ZCCHC14: variants seen among roughly 807,000 people sequenced by gnomAD.
ZCCHC14 encodes zinc finger CCHC domain-containing protein 14.
Under a neutral mutation model 85.0 loss-of-function variants are expected in ZCCHC14, and 16 were observed. That is an observed-to-expected ratio of 0.19 (90% CI 0.13 to 0.29). ZCCHC14 has a LOEUF of 0.29. Among genes scored for constraint, ZCCHC14 ranks in the 10% least tolerant of loss-of-function variants. The pLI, the probability that ZCCHC14 is intolerant of heterozygous loss-of-function variation, is 1.00. For missense variants in ZCCHC14, 1,303 were observed against 1,443.5 expected, an observed-to-expected ratio of 0.90 and a Z score of 1.58; for synonymous variants, 775 against 630.7, an observed-to-expected ratio of 1.23 and a Z score of -3.43.
At chr16:87,485,765 T>C (rs183829544) in intron 1 of ZCCHC14, among the ~76,000 whole-genome samples, 9 of 152,280 alleles carry the variant, frequency 5.9e-5, no homozygotes, top group Admixed American at 5.2e-4. Context: ...TCTATTCTAC[T>C]AGCTGGACTC....
chr16:87,411,886 G>A lies in ZCCHC14; in HGVS notation c.2835C>T (p.Asn945=). Reference sequence around the variant, plus strand: ...GACCGGAGAACGGGTGCTGGAAGTAGTTGGCGTAGCTGACAGTCAGGCCAC... The same window carrying A: ...GACCGGAGAACGGGTGCTGGAAGTAATTGGCGTAGCTGACAGTCAGGCCAC... ...GSSGLTVSYA[N]YFQHPFSGPS... is the part of the protein sequence containing the mutation. The change falls in exon 12 of 13, where the codon AAC becomes AAT. Residue 945 remains asparagine (N), a synonymous_variant. Coordinates refer to ENST00000671377, the MANE Select transcript of ZCCHC14 (RefSeq NM_015144.3). 1 of 1,599,260 alleles carries A rather than the reference G, an allele frequency of 6.3e-7. No individual in the cohort carries two copies. The highest frequency in any genetic ancestry group is 8.5e-7 in the Non-Finnish European group (1 of 1,174,124).
At chr16:87,432,096 A>G (rs562138528) in intron 3 of ZCCHC14, among the ~76,000 whole-genome samples, 1 of 152,340 alleles carries the variant, frequency 6.6e-6, no homozygotes, top group Admixed American at 6.5e-5. Context: ...CACTCTTCAA[A>G]AAATTAGTAA....
At chr16:87,410,385 C>A in intron 12 of ZCCHC14, 50 bp from the exon 13 acceptor site, 1 of 749,020 alleles carries the variant, frequency 1.3e-6, no homozygotes, top group South Asian at 1.5e-5. Flanking sequence ...GTAGAATCAC[C>A]ACCAACCACC....
rs191005380 is a variant in ZCCHC14, at chr16:87,417,122, G to A, written c.1383+338C>T. On this transcript the variant is annotated intron_variant, in intron 8 of 12. Transcript: ENST00000671377. ...CCGCCGCAGTGTCTGCGCCAGCTAC[G>A]CCGAGAAATGTCTAAAAGGGGCACC... is the stretch of plus-strand genomic sequence containing the variant. Among the ~76,000 whole-genome samples the A allele has an allele frequency of 4.3e-3, 658 of 152,292 alleles. 19 individuals carry two copies. The highest frequency in any genetic ancestry group is 0.04 in the Admixed American group (615 of 15,298).
At chr16:87,459,536 T>A (rs1428197566) in intron 2 of ZCCHC14, among the ~76,000 whole-genome samples, 2 of 141,950 alleles carry the variant, frequency 1.4e-5, no homozygotes, top group East Asian at 4.1e-4. Flanking sequence ...TCAGACGGAG[T>A]TTTGCTCTTG....
At chr16:87,478,894 C>T (rs1335383699) in intron 1 of ZCCHC14, among the ~76,000 whole-genome samples, 5 of 152,002 alleles carry the variant, frequency 3.3e-5, no homozygotes, top group Admixed American at 6.5e-5. Flanking sequence ...CGTGAGCCAC[C>T]GCACCCGGCC....
chr16:87,468,945 G>A (rs554386849), intron 1 of ZCCHC14, among the ~76,000 whole-genome samples: 3 of 152,292 alleles, frequency 2.0e-5, no homozygotes, highest in East Asian at 3.8e-4. Context: ...GGCAAACGAC[G>A]CAGGCTGAGA....
chr16:87,421,188 G>C (rs1909077195), intron 4 of ZCCHC14, among the ~76,000 whole-genome samples: 1 of 152,202 alleles, frequency 6.6e-6, no homozygotes, highest in South Asian at 2.1e-4. Context: ...CGCAGGAGGA[G>C]CCAGAGAGAG....
intron 2 of ZCCHC14, among the ~76,000 whole-genome samples, chr16:87,445,251 G>A (rs1415496186): frequency 6.6e-6 from 1 of 152,034 alleles, no homozygotes; most frequent in African/African-American, 2.4e-5. Flanking sequence ...ATTTTTAGTA[G>A]AAACGGGGTT....
chr16:87,446,753 G>A (rs555481636), intron 2 of ZCCHC14, among the ~76,000 whole-genome samples: 11 of 151,874 alleles, frequency 7.2e-5, no homozygotes, highest in Admixed American at 2.0e-4. Context: ...GCAGTGACGC[G>A]ATCTTGGCTC....
chr16:87,441,575 A>G (rs1307393475), intron 2 of ZCCHC14, among the ~76,000 whole-genome samples: 1 of 152,236 alleles, frequency 6.6e-6, no homozygotes, highest in African/African-American at 2.4e-5. Context: ...GTGCCTCCAG[A>G]GTAAGAACAC....
At position 87,426,174 on chromosome 16, in the gene ZCCHC14, G is replaced by C. The variant is rs139305444; in HGVS notation, c.769-2293C>G. Among the ~76,000 whole-genome samples, 31 of 152,318 alleles carry C rather than the reference G, an allele frequency of 2.0e-4. No individual in the cohort carries two copies. In the East Asian group the frequency reaches 5.2e-3, roughly 26 times the overall value. ...GCTAAGCTGCAGCAGCCACGATCCA[G>C]ACCCAGCCAAGCCCTCTACCTCACC... On this transcript the variant is annotated intron_variant, in intron 3 of 12. Coordinates refer to ENST00000671377, the MANE Select transcript of ZCCHC14 (RefSeq NM_015144.3).
intron 1 of ZCCHC14, among the ~76,000 whole-genome samples, chr16:87,477,164 T>C (rs1467077320): frequency 7.5e-6 from 1 of 134,006 alleles, no homozygotes; most frequent in South Asian, 2.2e-4. Flanking sequence ...AAAAAAAAAT[T>C]GAAGTGGTGA....
At chr16:87,426,488 C>T (rs543654344) in intron 3 of ZCCHC14, among the ~76,000 whole-genome samples, 2 of 152,376 alleles carry the variant, frequency 1.3e-5, no homozygotes, top group South Asian at 4.1e-4. Context: ...CCAATGTGCA[C>T]ACAGCCCGTG....
intron 4 of ZCCHC14, among the ~76,000 whole-genome samples, chr16:87,423,609 G>A (rs1340297801): frequency 6.6e-6 from 1 of 152,156 alleles, no homozygotes; most frequent in Non-Finnish European, 1.5e-5. Context: ...GGAGGCATCC[G>A]CGGGGTCACG....
At position 87,412,836 on chromosome 16, in the gene ZCCHC14, G is replaced by A; in HGVS notation, c.1885C>T (p.Pro629Ser). 1 of 1,609,896 alleles carries A rather than the reference G, an allele frequency of 6.2e-7. No homozygotes were observed. Among genetic ancestry groups the A allele is most frequent in the Non-Finnish European group, 8.5e-7 (1 of 1,177,464 alleles). Residue 629 changes from proline (P) to serine (S), a missense_variant, in exon 12 of 13, where the codon CCC becomes TCC. Physicochemically the swap from Pro to Ser is moderately conservative, Grantham distance 74. Around this residue, in one of 7 missense-constraint regions of ZCCHC14, gnomAD observed 797 missense variants for 730.8 expected, o/e 1.09. Transcript: ENST00000671377. Reference sequence around the variant, plus strand: ...GCGCTCAGCATCTGCGGGGGCAGGGGGTGGTGGCCTGATGGATTGGAGCTG... The same window carrying A: ...GCGCTCAGCATCTGCGGGGGCAGGGAGTGGTGGCCTGATGGATTGGAGCTG... Reference protein sequence around the residue: ...EASSNPSGHHPLPPQMLSAAS... With the variant: ...EASSNPSGHHSLPPQMLSAAS...
chr16:87,439,351 C>T (rs1356768683), intron 2 of ZCCHC14, among the ~76,000 whole-genome samples: 2 of 152,012 alleles, frequency 1.3e-5, no homozygotes, highest in Non-Finnish European at 2.9e-5. Flanking sequence ...ACCAGGCTGG[C>T]CTCAATCTCC....
chr16:87,489,848 C>T (rs866834545), intron 1 of ZCCHC14, among the ~76,000 whole-genome samples: 5 of 152,218 alleles, frequency 3.3e-5, no homozygotes, highest in African/African-American at 9.7e-5. Flanking sequence ...TAAAGTGAGG[C>T]ACCCGTGCTC....
rs551264040 is a variant in ZCCHC14, at chr16:87,424,585, C to T, written c.769-704G>A. On this transcript the variant is annotated intron_variant, in intron 3 of 12. Coordinates refer to ENST00000671377, the MANE Select transcript of ZCCHC14 (RefSeq NM_015144.3). ...ACGGAGGTCCATCTCCCCACATGCACGCTAAGCTCCAGGGGGGAAGGGGCG... is the reference window on the plus strand; with the variant it reads ...ACGGAGGTCCATCTCCCCACATGCATGCTAAGCTCCAGGGGGGAAGGGGCG... Among the ~76,000 whole-genome samples, 10 of 152,274 alleles carry T rather than the reference C, an allele frequency of 6.6e-5. No individual in the cohort carries two copies. The South Asian group carries it at 8.3e-4, about 13-fold the overall frequency.
Sources: allele counts gnomAD v4.1 joint callset (sites outside exome capture counted in the v4.1 genomes callset), GRCh38; gene constraint gnomAD v4.1.1; regional missense constraint gnomAD v4.1.1; transcripts MANE v1.5; gene names NCBI Gene and HGNC (gene_info 2026-07-23, HGNC 2026-07-21).